CCDC171: variants seen among roughly 807,000 people sequenced by gnomAD.
CCDC171 encodes coiled-coil domain containing 171, also known as coiled-coil domain-containing protein 171.
A neutral mutation model predicts 168.2 loss-of-function variants in CCDC171; 177 were observed. That is an observed-to-expected ratio of 1.05 (90% CI 0.93 to 1.19). CCDC171 has a LOEUF of 1.19. Ranked by LOEUF, CCDC171 falls within the 50% of genes most tolerant of loss-of-function variation. The probability of loss-of-function intolerance (pLI) is 0.00; values close to 1 mark genes in which losing one functional copy is unlikely to be tolerated. For synonymous variants in CCDC171, 687 were observed against 540.8 expected (o/e 1.27, Z -3.75); for missense variants, 1,991 against 1,539.0 (o/e 1.29, Z -4.91).
At chr9:16,090,676 A>C in the CCDC171 span, among the ~76,000 whole-genome samples, 1 of 152,258 alleles carries the variant, frequency 6.6e-6, no homozygotes, top group South Asian at 2.1e-4. Flanking sequence ...ACTTCTCACC[A>C]TGAAGTTTAT....
At chr9:15,741,140 C>T (rs1317804893) in intron 16 of CCDC171, among the ~76,000 whole-genome samples, 1 of 152,096 alleles carries the variant, frequency 6.6e-6, no homozygotes, top group Non-Finnish European at 1.5e-5. Context: ...ATATGCATGA[C>T]ATAACATTTA....
the CCDC171 span, among the ~76,000 whole-genome samples, chr9:16,071,477 G>C: frequency 2.6e-5 from 4 of 152,136 alleles, no homozygotes; most frequent in African/African-American, 9.7e-5. Flanking sequence ...GGTGTCAGCT[G>C]TGCCTTCTGT....
At chr9:15,699,241 G>A (rs965198418) in intron 11 of CCDC171, among the ~76,000 whole-genome samples, 3 of 151,994 alleles carry the variant, frequency 2.0e-5, no homozygotes, top group Non-Finnish European at 4.4e-5. Flanking sequence ...TTAAGGTGGC[G>A]CGTCTGGAGT....
At chr9:15,825,524 A>G (rs187701400) in intron 21 of CCDC171, among the ~76,000 whole-genome samples, 45 of 152,260 alleles carry the variant, frequency 3.0e-4, no homozygotes, top group African/African-American at 9.9e-4. Flanking sequence ...AATTGGTCCA[A>G]TGTCACATAT....
chr9:15,957,221 A>G (rs117906919), intron 25 of CCDC171, among the ~76,000 whole-genome samples: 4,212 of 152,172 alleles, frequency 0.028, 92 homozygotes, highest in Middle Eastern at 0.065. Flanking sequence ...TTGACCACCT[A>G]TTATGAAGCT....
intron 3 of CCDC171, among the ~76,000 whole-genome samples, chr9:16,017,368 G>A (rs1833052355): frequency 6.6e-6 from 1 of 151,656 alleles, no homozygotes; most frequent in Admixed American, 6.6e-5. Flanking sequence ...CTGTTACTAT[G>A]GCCAGTCACA....
At chr9:15,903,739 A>G (rs1365816263) in intron 24 of CCDC171, among the ~76,000 whole-genome samples, 2 of 152,336 alleles carry the variant, frequency 1.3e-5, no homozygotes, top group East Asian at 3.9e-4. Context: ...GAGCTAAAGG[A>G]GGAAGTTCGA....
At chr9:15,703,330 C>T (rs2051931338) in intron 11 of CCDC171, among the ~76,000 whole-genome samples, 1 of 152,154 alleles carries the variant, frequency 6.6e-6, no homozygotes, top group African/African-American at 2.4e-5. Flanking sequence ...TTCATGTGTT[C>T]ACTGGAGTAG....
In CCDC171 at chr9:15,591,854, A is replaced by G. The variant is rs549223424; in HGVS notation, c.543+298A>G. 4.9e-4 allele frequency among the ~76,000 whole-genome samples: 74 copies of G among 152,316 alleles called. 1 individual carries two copies. Among genetic ancestry groups the G allele is most frequent in the Admixed American group, 4.7e-3 (72 of 15,298 alleles). On this transcript the variant is annotated intron_variant, in intron 5 of 25. Coordinates refer to ENST00000380701, the MANE Select transcript of CCDC171 (RefSeq NM_173550.4). ...AATCTACAGCTCTTTTTGTCTAGCA[A>G]TATGAACATTTGGAATTTTAGAAAT... is the stretch of plus-strand genomic sequence containing the variant.
intron 21 of CCDC171, among the ~76,000 whole-genome samples, chr9:15,823,877 A>T (rs896429134): frequency 2.0e-5 from 3 of 152,136 alleles, no homozygotes; most frequent in Non-Finnish European, 4.4e-5. Flanking sequence ...AGAGAAAAAA[A>T]TTATTTGTCT....
At chr9:15,810,335 C>T (rs940095083) in intron 21 of CCDC171, among the ~76,000 whole-genome samples, 3 of 152,238 alleles carry the variant, frequency 2.0e-5, no homozygotes, top group South Asian at 2.1e-4. Context: ...GCTGGCTTTG[C>T]CTAGTGGATC....
chr9:15,868,719 A>T (rs191804614), intron 23 of CCDC171, among the ~76,000 whole-genome samples: 1 of 152,170 alleles, frequency 6.6e-6, no homozygotes, highest in East Asian at 1.9e-4. Flanking sequence ...TTAATTGTTC[A>T]TATATAGATA....
At chr9:15,988,367 A>T (rs1832065764) in intron 3 of CCDC171, among the ~76,000 whole-genome samples, 1 of 152,230 alleles carries the variant, frequency 6.6e-6, no homozygotes, top group South Asian at 2.1e-4. Context: ...ACGACTTTTT[A>T]AAATATTTCC....
rs893239500 is a variant in CCDC171 at position 15,725,180 on chromosome 9, AT to A, written c.1692+212del. ...AGAAGTACTATAACTTGCACAACTA[AT>A]TTTTTTTGTTTATCATGTGTACAAC... On this transcript the variant is annotated intron_variant, in intron 14 of 25. Coordinates refer to ENST00000380701, the MANE Select transcript of CCDC171 (RefSeq NM_173550.4). Among the ~76,000 whole-genome samples the A allele has an allele frequency of 3.9e-5, 6 of 152,082 alleles. No individual in the cohort carries two copies. The East Asian group carries it at 7.7e-4, about 20-fold the overall frequency.
intron 23 of CCDC171, among the ~76,000 whole-genome samples, chr9:15,867,911 T>C (rs2061859263): frequency 6.6e-6 from 1 of 152,088 alleles, no homozygotes; most frequent in Non-Finnish European, 1.5e-5. Context: ...TTCTATAGTA[T>C]ATAGCCTATG....
intron 16 of CCDC171, among the ~76,000 whole-genome samples, chr9:15,736,103 G>A (rs2054474414): frequency 6.6e-6 from 1 of 152,016 alleles, no homozygotes; most frequent in Non-Finnish European, 1.5e-5. Context: ...TGTGTAGTAA[G>A]GAAGTTCTAG....
chr9:16,049,579 GCTCCAGGA>G (rs999262558), intron 1 of CCDC171, among the ~76,000 whole-genome samples: 3 of 152,084 alleles, frequency 2.0e-5, no homozygotes, highest in African/African-American at 7.2e-5. Context: ...CGGTCTTTGG[GCTCCAGGA>G]CTTACACCAG....
At chr9:15,647,356 G>T (rs2132679951) in intron 7 of CCDC171, among the ~76,000 whole-genome samples, 1 of 152,138 alleles carries the variant, frequency 6.6e-6, no homozygotes, top group South Asian at 2.1e-4. Flanking sequence ...AGAAGCAAGA[G>T]CAAACACATT....
intron 21 of CCDC171, among the ~76,000 whole-genome samples, chr9:15,829,232 G>T (rs191688945): frequency 3.2e-4 from 49 of 152,250 alleles, no homozygotes; most frequent in African/African-American, 9.6e-4. Context: ...CAATCTATTG[G>T]CTCTTTTATT....
Sources: gnomAD v4.1 joint callset for allele counts (sites outside exome capture counted in the v4.1 genomes callset) on GRCh38, gnomAD v4.1.1 for gene constraint, MANE v1.5 for transcripts, NCBI Gene and HGNC (gene_info 2026-07-23, HGNC 2026-07-21) for gene names.